The following CEP192 variants were observed in gnomAD, a reference collection of about 807,000 sequenced individuals.
CEP192 encodes centrosomal protein of 192 kDa.
A neutral mutation model predicts 271.8 loss-of-function variants in CEP192; 151 were observed. That is an observed-to-expected ratio of 0.56 (90% CI 0.49 to 0.64). The LOEUF (loss-of-function observed/expected upper bound fraction) is 0.64, where lower values mean the gene tolerates loss of function less well. Ranked by LOEUF, CEP192 falls within the 30% of genes least tolerant of loss-of-function variation. The pLI, the probability that CEP192 is intolerant of heterozygous loss-of-function variation, is 0.00. For missense variants in CEP192, 2,910 were observed against 3,020.5 expected, an observed-to-expected ratio of 0.96 and a Z score of 0.86; for synonymous variants, 995 against 1,076.5, an observed-to-expected ratio of 0.92 and a Z score of 1.48.
At position 13,071,146 on chromosome 18, in the gene CEP192, A is replaced by C; in HGVS notation, c.5282A>C (p.Asp1761Ala). 1.2e-6 allele frequency: 2 copies of C among 1,614,152 alleles called. No homozygotes were observed. Among genetic ancestry groups the C allele is most frequent in the South Asian group, 1.1e-5 (1 of 91,082 alleles). The change falls in exon 28 of 45, where the codon GAT (aspartate) becomes GCT (alanine). Residue 1761 changes from aspartate to alanine, a missense_variant. By Grantham distance (126) the Asp-to-Ala change is moderately radical. Transcript: ENST00000506447. ...SKPLSPGPCL[D>A]IPSILSNKQF... The stretch of plus-strand genomic sequence containing the variant: ...CCTCTGTCACCTGGACCTTGCTTAG[A>C]TATTCCATCGATTTTGTCCAACAAA...
At chr18:12,993,013 G>C (rs1016908773) in intron 1 of CEP192, among the ~76,000 whole-genome samples, 1 of 152,178 alleles carries the variant, frequency 6.6e-6, no homozygotes, top group African/African-American at 2.4e-5. Context: ...GAATAACTTA[G>C]TAATTACAAG....
At chr18:13,109,510 G>A (rs1465505337) in intron 40 of CEP192, among the ~76,000 whole-genome samples, 3 of 151,962 alleles carry the variant, frequency 2.0e-5, no homozygotes, top group East Asian at 3.9e-4. Context: ...ACAAACCTGC[G>A]CATGTACCCC....
chr18:13,092,873 G>A (rs2039214690), intron 34 of CEP192, among the ~76,000 whole-genome samples: 1 of 152,046 alleles, frequency 6.6e-6, no homozygotes, highest in South Asian at 2.1e-4. Flanking sequence ...ACTCTCCTAC[G>A]GCCAGGTATG....
intron 36 of CEP192, among the ~76,000 whole-genome samples, chr18:13,098,781 G>A (rs1428978025): frequency 4.6e-5 from 7 of 152,062 alleles, no homozygotes; most frequent in East Asian, 1.9e-4. Flanking sequence ...ACGGGGTGGC[G>A]GCCGGGCAGA....
In CEP192 at chr18:13,124,958, C is replaced by T. The variant is rs890725490; in HGVS notation, c.*188C>T. On this transcript the variant is annotated 3_prime_UTR_variant, in exon 45 of 45. Transcript: ENST00000506447. The stretch of plus-strand genomic sequence containing the variant: ...TATGTATCTAGCCCATAGTATTGTA[C>T]TTAACTTTTACAGGTGAGAAGAGAG... 6 of 465,106 alleles carry T rather than the reference C, an allele frequency of 1.3e-5. No homozygotes were observed. The highest frequency in any genetic ancestry group is 2.3e-5 in the Non-Finnish European group (6 of 259,484). The allele number at this position is 465,106 out of a possible 1,614,324, so 28.8% of individuals were successfully genotyped here.
chr18:13,075,691 T>G (rs779579261), intron 30 of CEP192, among the ~76,000 whole-genome samples: 1 of 152,210 alleles, frequency 6.6e-6, no homozygotes. Context: ...GTTACTGTTA[T>G]AGCAACACAA....
chr18:13,113,816 A>G (rs2040314149), intron 41 of CEP192, 111 bp downstream of exon 41: 3 of 1,024,294 alleles, frequency 2.9e-6, no homozygotes, highest in Admixed American at 3.2e-5. Context: ...CATAATCTTA[A>G]TTTTCTTGTT....
intron 4 of CEP192, among the ~76,000 whole-genome samples, chr18:13,012,703 TTCTC>T (rs2034434547): frequency 6.6e-6 from 1 of 152,220 alleles, no homozygotes; most frequent in African/African-American, 2.4e-5. Context: ...TTTCTCTTGT[TTCTC>T]TCTCCACATC....
chr18:13,023,821 G>A (rs1240482623), intron 9 of CEP192, among the ~76,000 whole-genome samples: 2 of 152,070 alleles, frequency 1.3e-5, no homozygotes. Context: ...CTTGTTTGGT[G>A]GAATTCACTG....
In CEP192 at chr18:13,095,989, CAAGCAGTG is replaced by C. The variant is rs201046066; in HGVS notation, c.6434-193_6434-186del. Among the ~76,000 whole-genome samples the C allele has an allele frequency of 9.9e-3, 1,507 of 152,226 alleles. 22 individuals carry two copies. The highest frequency in any genetic ancestry group is 0.035 in the African/African-American group (1,442 of 41,532). The stretch of plus-strand genomic sequence containing the variant: ...CGTGGGTGTGTGCTTAAGTTAAGAC[CAAGCAGTG>C]ACGATTTCCAGGATTCCTTTTTCCT... On this transcript the variant is annotated intron_variant, in intron 35 of 44. Transcript: ENST00000506447.
chr18:13,004,201 T>C lies in CEP192; in HGVS notation c.290+2619T>C, dbSNP rs140646110. 4.6e-4 allele frequency among the ~76,000 whole-genome samples: 70 copies of C among 152,246 alleles called. 2 individuals carry two copies. The East Asian group carries it at 0.01, about 22-fold the overall frequency. On this transcript the variant is annotated intron_variant, in intron 3 of 44. Transcript: ENST00000506447. Reference sequence around the variant, plus strand: ...TTTCAGAGAGAACAGGAGTTACTGTTTGAGGCAGTAGACAGCTTGTGGAGT... The same window carrying C: ...TTTCAGAGAGAACAGGAGTTACTGTCTGAGGCAGTAGACAGCTTGTGGAGT...
intron 11 of CEP192, 68 bp downstream of exon 11, chr18:13,030,676 A>G (rs2035569247): frequency 2.3e-6 from 3 of 1,290,830 alleles, no homozygotes; most frequent in Admixed American, 3.8e-5. Flanking sequence ...ATTACTGTGT[A>G]TATGTTGGTC....
At chr18:13,123,223 T>A (rs1384515631) in intron 44 of CEP192, among the ~76,000 whole-genome samples, 1 of 152,110 alleles carries the variant, frequency 6.6e-6, no homozygotes, top group African/African-American at 2.4e-5. Context: ...CAAGAGAAAA[T>A]TGTAGCTAAT....
intron 5 of CEP192, among the ~76,000 whole-genome samples, chr18:13,013,529 T>C (rs1328527109): frequency 6.6e-6 from 1 of 152,214 alleles, no homozygotes; most frequent in South Asian, 2.1e-4. Context: ...TTGGCTCTTA[T>C]GTCCTCCCCT....
Position 13,008,308 on chromosome 18 carries a change from T to C in CEP192, c.291-148T>C, listed in dbSNP as rs115541263. On this transcript the variant is annotated intron_variant, in intron 3 of 44. Transcript: ENST00000506447. Reference sequence around the variant, plus strand: ...GAATACAGTGCAGTGTTAGCAGTTGTAGTTTTCTGGCTAGACTCAAATGTT... The same window carrying C: ...GAATACAGTGCAGTGTTAGCAGTTGCAGTTTTCTGGCTAGACTCAAATGTT... 2.5e-3 allele frequency: 1,581 copies of C among 625,464 alleles called. 17 individuals are homozygous for C. In the African/African-American group the frequency reaches 0.026, roughly 10 times the overall value. The allele number at this position is 625,464 out of a possible 1,614,324, so 38.7% of individuals were successfully genotyped here.
intron 19 of CEP192, among the ~76,000 whole-genome samples, chr18:13,057,344 C>T (rs775321394): frequency 5.9e-5 from 9 of 151,736 alleles, no homozygotes; most frequent in Admixed American, 2.6e-4. Flanking sequence ...ATTGATTAGC[C>T]GTAATTGTGA....
chr18:13,059,434 C>A, intron 21 of CEP192, 122 bp downstream of exon 21: 1 of 707,868 alleles, frequency 1.4e-6, no homozygotes, highest in Non-Finnish European at 2.4e-6. Flanking sequence ...TAGTTTCAAG[C>A]TGAACTTTGG....
rs749591889 is a variant in CEP192, at chr18:13,069,742, C to G, written c.5060C>G (p.Pro1687Arg). The change falls in exon 27 of 45, where the codon CCA (proline) becomes CGA (arginine). Residue 1687 changes from proline (P) to arginine (R), a missense_variant. Physicochemically the swap from Pro to Arg is moderately radical, Grantham distance 103. Coordinates refer to ENST00000506447, the MANE Select transcript of CEP192 (RefSeq NM_032142.4). ...TGATTATGTAACTATATTTAGGTCC[C>G]AGAACAAGGAAGTCACTTTTCAGTG... is the stretch of plus-strand genomic sequence containing the variant. ...NIEVYLDIKV[P>R]EQGSHFSVDP... 6 of 1,547,422 alleles carry G rather than the reference C, an allele frequency of 3.9e-6. No individual in the cohort carries two copies. The Admixed American group carries it at 6.9e-5, about 18-fold the overall frequency.
chr18:13,107,807 T>G (rs1236217458), intron 40 of CEP192, among the ~76,000 whole-genome samples: 1 of 151,684 alleles, frequency 6.6e-6, no homozygotes, highest in Non-Finnish European at 1.5e-5. Flanking sequence ...TGACTTTGTT[T>G]ATTAAAAAAT....
Sources: allele counts gnomAD v4.1 joint callset (sites outside exome capture counted in the v4.1 genomes callset), GRCh38; gene constraint gnomAD v4.1.1; transcripts MANE v1.5; gene names NCBI Gene and HGNC (gene_info 2026-07-23, HGNC 2026-07-21).